Variants in PRIM2 observed in about 807,000 individuals in gnomAD.
PRIM2 encodes the protein DNA primase large subunit.
In PRIM2, 39 loss-of-function variants were observed where a neutral mutation model predicts 67.3. That is an observed-to-expected ratio of 0.58 (90% CI 0.45 to 0.76). PRIM2 has a LOEUF of 0.76. Ranked by LOEUF, PRIM2 falls within the 30% of genes least tolerant of loss-of-function variation. The probability of loss-of-function intolerance (pLI) is 0.00; values close to 1 mark genes in which losing one functional copy is unlikely to be tolerated. For missense variants in PRIM2, 398 were observed against 598.7 expected (o/e 0.66, Z 3.50); for synonymous variants, 143 against 198.7 (o/e 0.72, Z 2.36).
At chr6:57,343,355 C>G (rs744659) in intron 5 of PRIM2, among the ~76,000 whole-genome samples, 1 of 152,180 alleles carries the variant, frequency 6.6e-6, no homozygotes, top group Non-Finnish European at 1.5e-5. Flanking sequence ...ATACATGACT[C>G]TCTTTATACC....
the PRIM2 span, among the ~76,000 whole-genome samples, chr6:57,305,435 T>G: frequency 6.6e-6 from 1 of 152,238 alleles, no homozygotes; most frequent in African/African-American, 2.4e-5. Context: ...CAAGATAGTC[T>G]GCTTGGTCTC....
chr6:57,596,091 T>A (rs1368529493), intron 10 of PRIM2, among the ~76,000 whole-genome samples: 7 of 152,078 alleles, frequency 4.6e-5, no homozygotes, highest in Non-Finnish European at 1.0e-4. Context: ...GACCAAATAT[T>A]AGAACAGAAG....
At chr6:57,231,911 G>A in the PRIM2 span, among the ~76,000 whole-genome samples, 5 of 151,550 alleles carry the variant, frequency 3.3e-5, no homozygotes, top group African/African-American at 1.2e-4. Context: ...TAGGGAAAAT[G>A]GATATGGAAT....
intron 7 of PRIM2, among the ~76,000 whole-genome samples, chr6:57,414,287 T>C (rs1354182212): frequency 6.6e-6 from 1 of 152,168 alleles, no homozygotes; most frequent in African/African-American, 2.4e-5. Context: ...TCTATGACAG[T>C]TGAGAAACAT....
the PRIM2 span, among the ~76,000 whole-genome samples, chr6:57,303,031 T>C: frequency 6.6e-6 from 1 of 152,146 alleles, no homozygotes; most frequent in Admixed American, 6.5e-5. Flanking sequence ...ATACCCAGAG[T>C]TGATGTATAT....
At chr6:57,245,337 T>C in the PRIM2 span, among the ~76,000 whole-genome samples, 3 of 152,156 alleles carry the variant, frequency 2.0e-5, no homozygotes, top group Non-Finnish European at 4.4e-5. Context: ...TAGGTCTTTC[T>C]GAGTGCAAGG....
At chr6:57,502,512 A>C (rs1207979500) in intron 7 of PRIM2, among the ~76,000 whole-genome samples, 1 of 152,272 alleles carries the variant, frequency 6.6e-6, no homozygotes, top group Admixed American at 6.5e-5. Flanking sequence ...ATTTTTTTAC[A>C]CGTGACTCAT....
the PRIM2 span, among the ~76,000 whole-genome samples, chr6:57,253,049 A>G: frequency 1.3e-5 from 2 of 152,244 alleles, no homozygotes; most frequent in South Asian, 2.1e-4. Flanking sequence ...CTGTGACTCA[A>G]GAGTGCAGAG....
At chr6:57,384,614 T>C (rs1770077603) in intron 7 of PRIM2, among the ~76,000 whole-genome samples, 1 of 152,062 alleles carries the variant, frequency 6.6e-6, no homozygotes, top group East Asian at 1.9e-4. Flanking sequence ...TAGCCTAAGA[T>C]CATGTGTCTG....
At chr6:57,552,956 T>C (rs1326765584) in intron 10 of PRIM2, among the ~76,000 whole-genome samples, 5 of 152,182 alleles carry the variant, frequency 3.3e-5, no homozygotes, top group Non-Finnish European at 7.3e-5. Context: ...ATTTAAAAAT[T>C]GCAAATAAAT....
At chr6:57,544,578 T>C (rs1163701682) in intron 10 of PRIM2, among the ~76,000 whole-genome samples, 1 of 152,234 alleles carries the variant, frequency 6.6e-6, no homozygotes, top group African/African-American at 2.4e-5. Context: ...ATTATTTTTC[T>C]TGCCTTTTGA....
chr6:57,561,601 C>G (rs1775631627), intron 10 of PRIM2, among the ~76,000 whole-genome samples: 3 of 152,332 alleles, frequency 2.0e-5, no homozygotes, highest in Middle Eastern at 3.4e-3. Flanking sequence ...AAGAGAGTTA[C>G]AGCCTTCCTC....
intron 10 of PRIM2, among the ~76,000 whole-genome samples, chr6:57,548,597 ATT>A (rs1775335447): frequency 6.6e-6 from 1 of 152,086 alleles, no homozygotes; most frequent in African/African-American, 2.4e-5. Context: ...TGAGTGTAGA[ATT>A]TGTTTCTTTC....
the PRIM2 span, among the ~76,000 whole-genome samples, chr6:57,240,534 A>G: frequency 6.6e-6 from 1 of 152,148 alleles, no homozygotes; most frequent in African/African-American, 2.4e-5. Flanking sequence ...TACACAAAGA[A>G]AGAGGAATAC....
chr6:57,590,688 C>T (rs1332510642), intron 10 of PRIM2, among the ~76,000 whole-genome samples: 6 of 152,078 alleles, frequency 3.9e-5, no homozygotes, highest in African/African-American at 1.4e-4. Context: ...TGTAAGATTC[C>T]TGTTACAACT....
At chr6:57,455,978 C>T (rs1364175142) in intron 7 of PRIM2, among the ~76,000 whole-genome samples, 3 of 152,036 alleles carry the variant, frequency 2.0e-5, no homozygotes, top group Non-Finnish European at 4.4e-5. Context: ...TAGGGCAGGC[C>T]TGGTGGTGAC....
intron 10 of PRIM2, among the ~76,000 whole-genome samples, chr6:57,590,470 G>A (rs1776265281): frequency 6.6e-6 from 1 of 152,298 alleles, no homozygotes; most frequent in South Asian, 2.1e-4. Flanking sequence ...CAAATAGCAT[G>A]GACAAGAGAG....
chr6:57,557,327 T>C (rs1775534037), intron 10 of PRIM2, among the ~76,000 whole-genome samples: 1 of 151,722 alleles, frequency 6.6e-6, no homozygotes, highest in Non-Finnish European at 1.5e-5. Flanking sequence ...CGAATGTTCA[T>C]TGCAGCACTA....
chr6:57,410,346 A>AAG (rs1554335407), intron 7 of PRIM2, among the ~76,000 whole-genome samples: 2 of 148,134 alleles, frequency 1.4e-5, no homozygotes, highest in African/African-American at 5.1e-5. Context: ...AAAAAAAAAA[A>AAG]AAAGAAAGAA....
Sources: gnomAD v4.1 joint callset for allele counts (sites outside exome capture counted in the v4.1 genomes callset) on GRCh38, gnomAD v4.1.1 for gene constraint, MANE v1.5 for transcripts, NCBI Gene and HGNC (gene_info 2026-07-23, HGNC 2026-07-21) for gene names.